Variants in ZNF124 observed in about 807,000 individuals in gnomAD.
The protein encoded by ZNF124 is zinc finger protein 124.
Under a neutral mutation model 26.6 loss-of-function variants are expected in ZNF124, and 25 were observed. The observed-to-expected ratio is 0.94, with a 90% CI of 0.68 to 1.31. The LOEUF (loss-of-function observed/expected upper bound fraction) is 1.31. ZNF124 is among the 40% of genes most tolerant of loss of function. The pLI, the probability that ZNF124 is intolerant of heterozygous loss-of-function variation, is 0.00. For synonymous variants in ZNF124, 129 were observed against 133.3 expected (o/e 0.97, Z 0.22); for missense variants, 444 against 422.2 (o/e 1.05, Z -0.45).
chr1:247,146,897 C>CCG (rs1553332806), intron 3 of ZNF124, among the ~76,000 whole-genome samples: 1 of 152,024 alleles, frequency 6.6e-6, no homozygotes, highest in African/African-American at 2.4e-5. Context: ...GAACAGGTAC[C>CCG]GGGGGGTAGC....
At chr1:247,138,706 C>G in intron 3 of ZNF124, 1 of 398,500 alleles carries the variant, frequency 2.5e-6, no homozygotes, top group Middle Eastern at 6.3e-4. Context: ...TACATAGACC[C>G]AAAACTTACT....
intron 3 of ZNF124, among the ~76,000 whole-genome samples, chr1:247,131,656 C>A (rs930789854): frequency 1.3e-5 from 2 of 152,238 alleles, no homozygotes; most frequent in Admixed American, 6.5e-5. Flanking sequence ...GCCCAATACA[C>A]CGGCTGTGGC....
At chr1:247,141,889 C>A (rs1033973812) in intron 3 of ZNF124, among the ~76,000 whole-genome samples, 13 of 152,236 alleles carry the variant, frequency 8.5e-5, no homozygotes, top group African/African-American at 3.1e-4. Context: ...AGTTCAGACA[C>A]AAGCACAGTA....
chr1:247,157,320 T>G lies in ZNF124; in HGVS notation c.302A>C (p.Lys101Thr), dbSNP rs749922737. 33 of 1,581,288 alleles carry G rather than the reference T, an allele frequency of 2.1e-5. No homozygotes were observed. Among genetic ancestry groups the G allele is most frequent in the Non-Finnish European group, 2.8e-5 (33 of 1,161,826 alleles). The change falls in exon 4 of 4, where the codon AAA (lysine) becomes ACA (threonine). Residue 101 changes from lysine to threonine, a missense_variant. Physicochemically the swap from Lys to Thr is moderately conservative, Grantham distance 78. Coordinates refer to ENST00000543802, the MANE Select transcript of ZNF124 (RefSeq NM_001297568.2). ...KKPCTCKQCQKTSLSVTRVHR... is the reference protein window; with the variant it reads ...KKPCTCKQCQTTSLSVTRVHR... ...AACCCTTGTGACAGAAAGGGAAGTT[T>G]TCTGACATTGTTTACATGTACATGG...
chr1:247,158,915 C>T, intron 3 of ZNF124, 91 bp downstream of exon 3: 1 of 1,212,664 alleles, frequency 8.2e-7, no homozygotes, highest in Non-Finnish European at 1.2e-6. Context: ...AGGTGTGAGC[C>T]ACCATGCCTG....
rs551264912 is a variant in ZNF124 at position 247,140,288 on chromosome 1, A to G, written c.219-16417T>C. Reference sequence around the variant, plus strand: ...GTCTATTCTGCTGTTAATACTTGTGACTGCATTATGAAATTCTTGTAGTGT... The same window carrying G: ...GTCTATTCTGCTGTTAATACTTGTGGCTGCATTATGAAATTCTTGTAGTGT... On this transcript the variant is annotated intron_variant, in intron 3 of 3. Transcript: ENST00000472531. 2.0e-5 allele frequency among the ~76,000 whole-genome samples: 3 copies of G among 152,282 alleles called. No homozygotes were observed. The South Asian group carries it at 6.2e-4, about 32-fold the overall frequency.
At chr1:247,136,121 A>G (rs1672477557) in intron 3 of ZNF124, among the ~76,000 whole-genome samples, 1 of 152,210 alleles carries the variant, frequency 6.6e-6, no homozygotes, top group African/African-American at 2.4e-5. Context: ...CTGGTATAAG[A>G]CAAGGATGAC....
intron 3 of ZNF124, 85 bp downstream of exon 3, chr1:247,158,921 G>A: frequency 7.8e-7 from 1 of 1,280,738 alleles, no homozygotes; most frequent in South Asian, 1.3e-5. Context: ...GAGCCACCAT[G>A]CCTGGCCTTG....
In ZNF124 at chr1:247,168,119, G is replaced by T. The variant is rs1444217965; in HGVS notation, c.30+3729C>A. 6.6e-6 allele frequency among the ~76,000 whole-genome samples: 1 copy of T among 152,186 alleles called. No homozygotes were observed. The highest frequency in any genetic ancestry group is 1.5e-5 in the Non-Finnish European group (1 of 68,042). On this transcript the variant is annotated intron_variant, in intron 1 of 3. Coordinates refer to ENST00000543802, the MANE Select transcript of ZNF124 (RefSeq NM_001297568.2). This position sits in a 1 kb window ranked among gnomAD's most constrained non-coding sequence, Gnocchi z 4.0. ...ACACTGCTGATGGGAGTGTCAACTA[G>T]TACAACCGCCATGGAAAACAGTATG...
exon 4 of ZNF124, chr1:247,123,801 C>T: frequency 1.4e-6 from 1 of 701,164 alleles, no homozygotes; most frequent in South Asian, 1.5e-5. Context: ...ATCCTGAGTC[C>T]CAGCCCAGCC....
Position 247,156,943 on chromosome 1 carries a change from T to A in ZNF124, c.679A>T (p.Thr227Ser). 3 of 1,613,484 alleles carry A rather than the reference T, an allele frequency of 1.9e-6. No homozygotes were observed. The highest frequency in any genetic ancestry group is 1.7e-6 in the Non-Finnish European group (2 of 1,179,534). ...YSNCLHYHER[T>S]HTGEKPYVCM... Reference sequence around the variant, plus strand: ...ACATAAGGTTTCTCTCCAGTGTGAGTTCTTTCATGGTAATGAAGGCAATTG... The same window carrying A: ...ACATAAGGTTTCTCTCCAGTGTGAGATCTTTCATGGTAATGAAGGCAATTG... Residue 227 changes from threonine (T) to serine (S), a missense_variant, in exon 4 of 4, where the codon ACT becomes TCT. Thr to Ser is a moderately conservative substitution (Grantham distance 58). Transcript: ENST00000543802.
chr1:247,147,054 T>C (rs913278733), intron 3 of ZNF124, among the ~76,000 whole-genome samples: 1 of 152,148 alleles, frequency 6.6e-6, no homozygotes, highest in Non-Finnish European at 1.5e-5. Context: ...ATTCAGGCTA[T>C]GATGTCAGCA....
chr1:247,140,424 T>C (rs910244548), intron 3 of ZNF124, among the ~76,000 whole-genome samples: 2 of 152,228 alleles, frequency 1.3e-5, no homozygotes, highest in South Asian at 2.1e-4. Flanking sequence ...TTCCTGAATC[T>C]TGATGATCTT....
Position 247,156,338 on chromosome 1 carries a change from T to G in ZNF124, c.*228A>C. The G allele has an allele frequency of 1.6e-6, 2 of 1,228,324 alleles. No individual in the cohort carries two copies. Among genetic ancestry groups the G allele is most frequent in the Non-Finnish European group, 2.0e-6 (2 of 984,900 alleles). The allele number at this position is 1,228,324 out of a possible 1,614,324, so 76.1% of individuals were successfully genotyped here. Reference sequence around the variant, plus strand: ...GCAGGCCTTACCACATTTTAAACATTCATATGGATTTTCTTCAGTGAGTCC... The same window carrying G: ...GCAGGCCTTACCACATTTTAAACATGCATATGGATTTTCTTCAGTGAGTCC... On this transcript the variant is annotated 3_prime_UTR_variant, in exon 4 of 4. Coordinates refer to ENST00000543802, the MANE Select transcript of ZNF124 (RefSeq NM_001297568.2).
At position 247,125,503 on chromosome 1, in the gene ZNF124, C is replaced by G. The variant is rs542313868; in HGVS notation, c.219-1632G>C. ...CTTTCGCCCAGGCTGGAGATCTCCA[C>G]TGACTGCAACCTCTGCCTTCCCGTT... On this transcript the variant is annotated intron_variant, in intron 3 of 3. Transcript: ENST00000472531. 2.4e-4 allele frequency among the ~76,000 whole-genome samples: 28 copies of G among 117,136 alleles called. 1 individual carries two copies. Among genetic ancestry groups the G allele is most frequent in the Admixed American group, 2.0e-3 (20 of 9,854 alleles). 76.8% of individuals were successfully genotyped at this position (117,136 alleles called of 152,430 possible). A position where few individuals can be genotyped will look rare whatever the true frequency, so the allele number is the denominator to read the frequency against.
At chr1:247,145,370 T>C (rs985830239) in intron 3 of ZNF124, among the ~76,000 whole-genome samples, 2 of 152,144 alleles carry the variant, frequency 1.3e-5, no homozygotes, top group Non-Finnish European at 2.9e-5. Flanking sequence ...ACATGGTGTG[T>C]CTGGAGTCAG....
chr1:247,156,217 T>C lies in ZNF124; in HGVS notation c.*349A>G, dbSNP rs1245394461. 9.9e-7 allele frequency: 1 copy of C among 1,010,146 alleles called. No homozygotes were observed. 62.6% of individuals were successfully genotyped at this position (1,010,146 alleles called of 1,614,324 possible). ...TGTTACCATGTGTCTCTGAGTGAGTTATAGGATAAATGAAGGCATTCTCAC... is the reference window on the plus strand; with the variant it reads ...TGTTACCATGTGTCTCTGAGTGAGTCATAGGATAAATGAAGGCATTCTCAC... On this transcript the variant is annotated 3_prime_UTR_variant, in exon 4 of 4. Transcript: ENST00000543802.
downstream of ZNF124, among the ~76,000 whole-genome samples, chr1:247,154,151 G>A (rs975533040): frequency 3.9e-5 from 6 of 152,258 alleles, no homozygotes; most frequent in South Asian, 4.1e-4. Context: ...AGTTGGCTCC[G>A]TGTCCCCACC....
intron 3 of ZNF124, among the ~76,000 whole-genome samples, chr1:247,148,128 T>C (rs1672834031): frequency 1.3e-5 from 2 of 152,250 alleles, no homozygotes; most frequent in African/African-American, 2.4e-5. Flanking sequence ...TCCTCATTCT[T>C]TCCTACTTTG....
Sources: allele counts gnomAD v4.1 joint callset (sites outside exome capture counted in the v4.1 genomes callset), GRCh38; gene constraint gnomAD v4.1.1; non-coding constraint Gnocchi (gnomAD v3.1); transcripts MANE v1.5; gene names NCBI Gene and HGNC (gene_info 2026-07-23, HGNC 2026-07-21).